MGAT4C: variants seen among roughly 807,000 people sequenced by gnomAD.
MGAT4C encodes MGAT4 family member C, also known as alpha-1,3-mannosyl-glycoprotein 4-beta-N-acetylglucosaminyltransferase C.
Under a neutral mutation model 40.1 loss-of-function variants are expected in MGAT4C, and 19 were observed. The ratio of observed to expected loss-of-function variants is 0.47; its 90% CI spans 0.33 to 0.70. The LOEUF (loss-of-function observed/expected upper bound fraction) is 0.70, where lower values mean the gene tolerates loss of function less well. Ranked by LOEUF, MGAT4C falls within the 30% of genes least tolerant of loss-of-function variation. The pLI, the probability that MGAT4C is intolerant of heterozygous loss-of-function variation, is 0.02. For missense variants in MGAT4C, 491 were observed against 563.2 expected (o/e 0.87, Z 1.30); for synonymous variants, 181 against 187.1 (o/e 0.97, Z 0.27).
At chr12:86,677,414 C>T (rs1157348845) in intron 2 of MGAT4C, among the ~76,000 whole-genome samples, 1 of 152,062 alleles carries the variant, frequency 6.6e-6, no homozygotes. Context: ...AATGGCTACT[C>T]AAAAATGTGC....
chr12:86,764,281 C>T (rs1235442547), intron 1 of MGAT4C, among the ~76,000 whole-genome samples: 1 of 152,110 alleles, frequency 6.6e-6, no homozygotes, highest in African/African-American at 2.4e-5. Flanking sequence ...AGTCTGAGAT[C>T]AAACTGCAAG....
intron 2 of MGAT4C, among the ~76,000 whole-genome samples, chr12:86,470,807 G>A (rs192972589): frequency 2.6e-4 from 39 of 152,032 alleles, no homozygotes; most frequent in African/African-American, 8.7e-4. Flanking sequence ...TACTAATAGC[G>A]AAATAACATA....
chr12:86,543,132 T>C (rs1024006864), intron 2 of MGAT4C, among the ~76,000 whole-genome samples: 11 of 151,996 alleles, frequency 7.2e-5, no homozygotes, highest in Non-Finnish European at 1.2e-4. Context: ...CTGTTTTATA[T>C]GATTAAGAGC....
intron 2 of MGAT4C, among the ~76,000 whole-genome samples, chr12:86,630,307 C>T (rs576452404): frequency 3.9e-5 from 6 of 152,164 alleles, no homozygotes; most frequent in South Asian, 2.1e-4. Flanking sequence ...GATTCACAGC[C>T]GGATTCTACC....
chr12:86,403,824 G>A (rs1295768446), intron 3 of MGAT4C, among the ~76,000 whole-genome samples: 3 of 152,148 alleles, frequency 2.0e-5, no homozygotes, highest in Non-Finnish European at 2.9e-5. Flanking sequence ...ATGATTGGTT[G>A]ATCTGAAAGC....
intron 2 of MGAT4C, among the ~76,000 whole-genome samples, chr12:86,583,069 T>A (rs1960859886): frequency 6.6e-6 from 1 of 151,300 alleles, no homozygotes; most frequent in African/African-American, 2.4e-5. Flanking sequence ...TTACACAAAC[T>A]ATTTTAAGGA....
intron 1 of MGAT4C, among the ~76,000 whole-genome samples, chr12:86,728,545 G>A (rs1950860040): frequency 6.6e-6 from 1 of 152,130 alleles, no homozygotes; most frequent in Non-Finnish European, 1.5e-5. Context: ...ACAAAAATTA[G>A]CCTGGCATAG....
chr12:86,732,985 G>T (rs1439033918), intron 1 of MGAT4C, among the ~76,000 whole-genome samples: 2 of 152,078 alleles, frequency 1.3e-5, no homozygotes, highest in African/African-American at 2.4e-5. Context: ...ACAGAGCAGA[G>T]ATGTGAACTC....
At chr12:86,103,037 A>G (rs963514972) in intron 1 of MGAT4C, among the ~76,000 whole-genome samples, 2 of 152,178 alleles carry the variant, frequency 1.3e-5, no homozygotes, top group Admixed American at 6.6e-5. Flanking sequence ...TAAGAAGAAG[A>G]GCTGCATTTC....
chr12:86,496,828 A>C (rs2136329314), intron 2 of MGAT4C, among the ~76,000 whole-genome samples: 1 of 152,140 alleles, frequency 6.6e-6, no homozygotes, highest in Non-Finnish European at 1.5e-5. Flanking sequence ...TGAGTCATGT[A>C]ATTGCTCTGA....
intron 1 of MGAT4C, among the ~76,000 whole-genome samples, chr12:86,787,884 TA>T (rs1951959362): frequency 6.6e-6 from 1 of 152,172 alleles, no homozygotes; most frequent in Admixed American, 6.5e-5. Context: ...GTAGCCTTAG[TA>T]AAGAGAGAGG....
At chr12:86,198,095 A>G (rs839161) in intron 1 of MGAT4C, among the ~76,000 whole-genome samples, 3,968 of 152,288 alleles carry the variant, frequency 0.026, 144 homozygotes, top group African/African-American at 0.084. Context: ...TAAATCATGC[A>G]TATTCAGAAC....
intron 2 of MGAT4C, among the ~76,000 whole-genome samples, chr12:86,568,973 G>A (rs866442777): frequency 2.0e-5 from 3 of 151,610 alleles, no homozygotes; most frequent in Non-Finnish European, 2.9e-5. Context: ...CTAAAAAGGC[G>A]CTTCCATTTA....
chr12:86,577,439 G>A (rs1229677994), intron 2 of MGAT4C, among the ~76,000 whole-genome samples: 1 of 151,458 alleles, frequency 6.6e-6, no homozygotes, highest in East Asian at 1.9e-4. Context: ...ACTAGTTTTG[G>A]GTCTGTCGTA....
chr12:86,387,215 A>C (rs1176989763), intron 3 of MGAT4C, among the ~76,000 whole-genome samples: 2 of 152,068 alleles, frequency 1.3e-5, no homozygotes, highest in African/African-American at 4.8e-5. Flanking sequence ...CAGCAATGAA[A>C]ATTTTACTGC....
chr12:86,078,815 T>G (rs1870289873), intron 1 of MGAT4C, among the ~76,000 whole-genome samples: 1 of 152,238 alleles, frequency 6.6e-6, no homozygotes, highest in Non-Finnish European at 1.5e-5. Flanking sequence ...TGGGTCATTC[T>G]ATCCATTAGA....
chr12:85,991,461 C>A (rs997941279), intron 2 of MGAT4C, among the ~76,000 whole-genome samples: 1 of 152,032 alleles, frequency 6.6e-6, no homozygotes, highest in Non-Finnish European at 1.5e-5. Context: ...CACTGGGGAC[C>A]CACCCCCTTC....
chr12:86,486,452 GA>G, intron 2 of MGAT4C, among the ~76,000 whole-genome samples: 1 of 150,138 alleles, frequency 6.7e-6, no homozygotes, highest in Admixed American at 6.6e-5. Flanking sequence ...TTACAAGAGA[GA>G]AAACAGACTT....
chr12:86,340,676 G>T (rs1047780655), intron 3 of MGAT4C, among the ~76,000 whole-genome samples: 5 of 151,978 alleles, frequency 3.3e-5, no homozygotes, highest in African/African-American at 1.2e-4. Flanking sequence ...CAACATAAAA[G>T]GATATCATTA....
Sources: gnomAD v4.1 joint callset for allele counts (sites outside exome capture counted in the v4.1 genomes callset) on GRCh38, gnomAD v4.1.1 for gene constraint, MANE v1.5 for transcripts, NCBI Gene and HGNC (gene_info 2026-07-23, HGNC 2026-07-21) for gene names.